The following BNC2 variants were observed in gnomAD, a reference collection of about 807,000 sequenced individuals.
BNC2 encodes the protein zinc finger protein basonuclin-2.
In BNC2, 20 loss-of-function variants were observed where a neutral mutation model predicts 76.3. The ratio of observed to expected loss-of-function variants is 0.26; its 90% CI spans 0.18 to 0.38. The LOEUF is 0.38. BNC2 is among the 10% of genes least tolerant of loss of function. BNC2 has a pLI of 1.00. For missense variants in BNC2, 1,382 were observed against 1,399.8 expected (o/e 0.99, Z 0.20); for synonymous variants, 582 against 514.8 (o/e 1.13, Z -1.77).
chr9:16,606,001 C>T (rs1293846640), intron 3 of BNC2, among the ~76,000 whole-genome samples: 3 of 152,020 alleles, frequency 2.0e-5, no homozygotes, highest in Non-Finnish European at 4.4e-5. Flanking sequence ...ACCTTGGCCT[C>T]CCAAAGTGCT....
At chr9:16,661,793 A>C (rs1322067585) in intron 3 of BNC2, among the ~76,000 whole-genome samples, 7 of 152,210 alleles carry the variant, frequency 4.6e-5, no homozygotes, top group Non-Finnish European at 1.5e-5. Flanking sequence ...ACACATAAGA[A>C]AAATTATTTT....
At chr9:16,759,335 G>C (rs377577960) in intron 1 of BNC2, among the ~76,000 whole-genome samples, 39 of 152,282 alleles carry the variant, frequency 2.6e-4, no homozygotes, top group African/African-American at 7.7e-4. Context: ...AGAACAGTAT[G>C]TTTTCTGTAT....
At chr9:16,581,661 C>T (rs931000187) in intron 4 of BNC2, among the ~76,000 whole-genome samples, 1 of 152,208 alleles carries the variant, frequency 6.6e-6, no homozygotes, top group African/African-American at 2.4e-5. Context: ...CTAAGCCACC[C>T]AGCCTGTGGC....
chr9:16,510,969 A>T (rs73645992), intron 5 of BNC2, among the ~76,000 whole-genome samples: 6,485 of 152,222 alleles, frequency 0.043, 514 homozygotes, highest in African/African-American at 0.15. Flanking sequence ...CTACACATAT[A>T]CCTGAAGGCT....
At chr9:16,825,451 C>T (rs1163528063) in intron 1 of BNC2, among the ~76,000 whole-genome samples, 2 of 152,134 alleles carry the variant, frequency 1.3e-5, no homozygotes, top group African/African-American at 4.8e-5. Flanking sequence ...TTTGAGAAAG[C>T]TGATATTCCC....
At chr9:16,591,080 T>C (rs1284105045) in intron 3 of BNC2, among the ~76,000 whole-genome samples, 2 of 152,200 alleles carry the variant, frequency 1.3e-5, no homozygotes, top group African/African-American at 4.8e-5. Flanking sequence ...ATGATAGTAA[T>C]GGTGATTAAG....
At chr9:16,665,297 G>C (rs929851263) in intron 3 of BNC2, 1 of 327,568 alleles carries the variant, frequency 3.1e-6, no homozygotes, top group African/African-American at 2.3e-5. Flanking sequence ...TTGAACCTAG[G>C]AGGTGGAGGT....
intron 1 of BNC2, among the ~76,000 whole-genome samples, chr9:16,771,944 C>T (rs1825844142): frequency 1.3e-5 from 2 of 152,116 alleles, no homozygotes; most frequent in South Asian, 4.1e-4. Flanking sequence ...GGGAGGATGG[C>T]AGGGACTATA....
chr9:16,820,009 C>G (rs908877104), intron 1 of BNC2, among the ~76,000 whole-genome samples: 1 of 150,320 alleles, frequency 6.7e-6, no homozygotes, highest in Non-Finnish European at 1.5e-5. Context: ...CCTGTAATCC[C>G]AGCTACTCAG....
At chr9:16,501,705 C>A (rs1822522860) in intron 5 of BNC2, among the ~76,000 whole-genome samples, 1 of 152,248 alleles carries the variant, frequency 6.6e-6, no homozygotes, top group Non-Finnish European at 1.5e-5. Context: ...AACTCTCTGT[C>A]CACAATTGGT....
chr9:16,557,478 G>A (rs1233174153), intron 4 of BNC2, among the ~76,000 whole-genome samples: 4 of 151,006 alleles, frequency 2.6e-5, no homozygotes, highest in Non-Finnish European at 4.4e-5. Context: ...TAGCCTGGGC[G>A]ACAGAGTGAG....
At position 16,751,252 on chromosome 9, in the gene BNC2, C is replaced by T. The variant is rs149345857; in HGVS notation, c.4-12767G>A. On this transcript the variant is annotated intron_variant, in intron 1 of 6. Coordinates refer to ENST00000380672, the MANE Select transcript of BNC2 (RefSeq NM_017637.6). ...AATTCTAAAATATTCTCTTAAATTGCATTGAAAATGGTTTAAAAAAAAAAA... is the reference window on the plus strand; with the variant it reads ...AATTCTAAAATATTCTCTTAAATTGTATTGAAAATGGTTTAAAAAAAAAAA... 6.1e-3 allele frequency among the ~76,000 whole-genome samples: 836 copies of T among 136,356 alleles called. 6 individuals carry two copies. The highest frequency in any genetic ancestry group is 0.016 in the Middle Eastern group (4 of 254). The allele number at this position is 136,356 out of a possible 152,430, so 89.5% of individuals were successfully genotyped here.
At chr9:16,543,717 A>G (rs552381599) in intron 5 of BNC2, among the ~76,000 whole-genome samples, 80 of 152,314 alleles carry the variant, frequency 5.3e-4, no homozygotes, top group Non-Finnish European at 9.0e-4. Context: ...TCAAATAGTT[A>G]GAGCTTTGGC....
chr9:16,531,778 G>C (rs372748814), intron 5 of BNC2, among the ~76,000 whole-genome samples: 1 of 151,938 alleles, frequency 6.6e-6, no homozygotes, highest in Non-Finnish European at 1.5e-5. Context: ...CCATCTAAAT[G>C]AATTTATCTA....
chr9:16,482,210 G>A (rs1442558208), intron 5 of BNC2, among the ~76,000 whole-genome samples: 2 of 152,128 alleles, frequency 1.3e-5, no homozygotes, highest in Non-Finnish European at 2.9e-5. Context: ...AAAAGAATAA[G>A]TTTAATCTTG....
At chr9:16,715,561 A>G (rs1459317193) in intron 3 of BNC2, among the ~76,000 whole-genome samples, 1 of 152,224 alleles carries the variant, frequency 6.6e-6, no homozygotes, top group Non-Finnish European at 1.5e-5. Flanking sequence ...AAATATTTGA[A>G]TAGGTTGCCA....
intron 1 of BNC2, among the ~76,000 whole-genome samples, chr9:16,762,319 T>G (rs1356958489): frequency 6.6e-6 from 1 of 152,206 alleles, no homozygotes; most frequent in Non-Finnish European, 1.5e-5. Flanking sequence ...ACAAAATGCC[T>G]TTGAACACTA....
At chr9:16,781,392 G>C (rs1826150630) in intron 1 of BNC2, among the ~76,000 whole-genome samples, 1 of 152,104 alleles carries the variant, frequency 6.6e-6, no homozygotes, top group African/African-American at 2.4e-5. Flanking sequence ...GCCCAGGCTG[G>C]AGTGCAGTGG....
intron 3 of BNC2, among the ~76,000 whole-genome samples, chr9:16,688,946 T>C (rs368613174): frequency 2.6e-4 from 39 of 152,208 alleles, no homozygotes; most frequent in African/African-American, 8.2e-4. Context: ...TTACTTTGTG[T>C]ATAATCAGCA....
Sources: allele counts gnomAD v4.1 joint callset (sites outside exome capture counted in the v4.1 genomes callset), GRCh38; gene constraint gnomAD v4.1.1; transcripts MANE v1.5; gene names NCBI Gene and HGNC (gene_info 2026-07-23, HGNC 2026-07-21).